The following NCAM2 variants were observed in gnomAD, a reference collection of about 807,000 sequenced individuals.
NCAM2 encodes the protein N-CAM-2.
In NCAM2, 30 loss-of-function variants were observed where a neutral mutation model predicts 98.1. That is an observed-to-expected ratio of 0.31 (90% CI 0.23 to 0.41). The LOEUF (loss-of-function observed/expected upper bound fraction) is 0.41, where lower values mean the gene tolerates loss of function less well. NCAM2 is among the 10% of genes least tolerant of loss of function. The pLI is 1.00. For synonymous variants in NCAM2, 368 were observed against 342.4 expected, an observed-to-expected ratio of 1.07 and a Z score of -0.83; for missense variants, 867 against 1,005.8, an observed-to-expected ratio of 0.86 and a Z score of 1.87.
intron 1 of NCAM2, among the ~76,000 whole-genome samples, chr21:21,142,037 T>C (rs1259677879): frequency 6.6e-6 from 1 of 152,212 alleles, no homozygotes; most frequent in Non-Finnish European, 1.5e-5. Context: ...ATTCAGCCTT[T>C]AAGGGATTTT....
At chr21:21,341,792 G>A (rs1302909099) in intron 8 of NCAM2, among the ~76,000 whole-genome samples, 1 of 149,496 alleles carries the variant, frequency 6.7e-6, no homozygotes, top group Non-Finnish European at 1.5e-5. Flanking sequence ...TAAATGTATA[G>A]ATGAGTGAAT....
chr21:21,401,886 T>C (rs1403044345), intron 9 of NCAM2, among the ~76,000 whole-genome samples: 1 of 152,178 alleles, frequency 6.6e-6, no homozygotes, highest in African/African-American at 2.4e-5. Context: ...CGGCTGGAGC[T>C]GCAGCAGAGG....
chr21:21,260,111 A>G (rs2071837014), intron 1 of NCAM2, among the ~76,000 whole-genome samples: 1 of 151,804 alleles, frequency 6.6e-6, no homozygotes, highest in African/African-American at 2.4e-5. Context: ...TTAGAGATTG[A>G]AGAGCAATTT....
intron 8 of NCAM2, among the ~76,000 whole-genome samples, chr21:21,346,604 C>A (rs2075195750): frequency 6.6e-6 from 1 of 151,982 alleles, no homozygotes; most frequent in South Asian, 2.1e-4. Flanking sequence ...GCACATGGAT[C>A]ATTTTCAAGG....
intron 1 of NCAM2, among the ~76,000 whole-genome samples, chr21:21,256,442 G>C (rs376267981): frequency 6.6e-6 from 1 of 152,116 alleles, no homozygotes; most frequent in Non-Finnish European, 1.5e-5. Flanking sequence ...ACTCCTGTTC[G>C]TTGCCTGTAG....
intron 16 of NCAM2, among the ~76,000 whole-genome samples, chr21:21,528,693 A>G (rs1375268459): frequency 6.6e-6 from 1 of 152,178 alleles, no homozygotes; most frequent in African/African-American, 2.4e-5. Context: ...ACATTAATAA[A>G]CAAGGTTTAC....
rs1418414253 is a variant in NCAM2 at position 21,373,981 on chromosome 21, G to A, written c.1163G>A (p.Gly388Glu). The A allele has an allele frequency of 1.6e-5, 26 of 1,609,510 alleles. No homozygotes were observed. Among genetic ancestry groups the A allele is most frequent in the Middle Eastern group, 1.7e-4 (1 of 6,036 alleles). Residue 388 changes from glycine to glutamate, a missense_variant, in exon 9 of 18, where the codon GGG becomes GAG. Around this residue, in one of 5 missense-constraint regions of NCAM2, gnomAD observed 447 missense variants for 495.7 expected, o/e 0.90. Transcript: ENST00000400546. ...TGTGAAGCTGCAAGCAGAATTGGAG[G>A]GCATCAAAAGAGCATGTACCTTGAT... ...YDCEAASRIGGHQKSMYLDIE... is the reference protein window; with the variant it reads ...YDCEAASRIGEHQKSMYLDIE...
rs138315101 is a variant in NCAM2, at chr21:21,513,674, C to T, written c.2282+4619C>T. Among the ~76,000 whole-genome samples, 145 of 152,136 alleles carry T rather than the reference C, an allele frequency of 9.5e-4. 4 individuals are homozygous for T. In the East Asian group the frequency reaches 0.024, roughly 25 times the overall value. ...GGAGAAGAAAGTGTATTCTTAAAAA[C>T]GTGGATGAAATGTTCTTTAAATGTT... is the stretch of plus-strand genomic sequence containing the variant. On this transcript the variant is annotated intron_variant, in intron 16 of 17. Coordinates refer to ENST00000400546, the MANE Select transcript of NCAM2 (RefSeq NM_004540.5).
chr21:21,109,491 C>CT (rs2066413073), intron 1 of NCAM2, among the ~76,000 whole-genome samples: 2 of 152,098 alleles, frequency 1.3e-5, no homozygotes, highest in African/African-American at 4.8e-5. Context: ...TGCAATAGCT[C>CT]TTTTTTCTAA....
intron 1 of NCAM2, among the ~76,000 whole-genome samples, chr21:21,061,385 G>T (rs2065318360): frequency 6.6e-6 from 1 of 152,100 alleles, no homozygotes; most frequent in Non-Finnish European, 1.5e-5. Flanking sequence ...GCTTTAGTTT[G>T]TTCCTGTTTT....
At chr21:21,510,038 G>A (rs1988261344) in intron 16 of NCAM2, among the ~76,000 whole-genome samples, 1 of 152,062 alleles carries the variant, frequency 6.6e-6, no homozygotes, top group Admixed American at 6.6e-5. Flanking sequence ...CAAACAACTA[G>A]TTGGGTTCCA....
intron 4 of NCAM2, among the ~76,000 whole-genome samples, chr21:21,291,739 G>T (rs373055396): frequency 1.3e-5 from 2 of 151,506 alleles, no homozygotes; most frequent in Non-Finnish European, 2.9e-5. Context: ...CCATGTTGCC[G>T]CATATTTGCA....
intron 9 of NCAM2, among the ~76,000 whole-genome samples, chr21:21,407,221 A>G (rs1569028321): frequency 6.6e-6 from 1 of 152,252 alleles, no homozygotes; most frequent in Non-Finnish European, 1.5e-5. Context: ...GTGCCAGTGA[A>G]TATCGCTGCC....
At position 21,539,964 on chromosome 21, in the gene NCAM2, A is replaced by G. The variant is rs1324701598; in HGVS notation, c.*2007A>G. The G allele has an allele frequency of 6.6e-6, 1 of 152,098 alleles. No individual in the cohort carries two copies. The highest frequency in any genetic ancestry group is 1.5e-5 in the Non-Finnish European group (1 of 68,010). The allele number at this position is 152,098 out of a possible 1,614,324, so 9.4% of individuals were successfully genotyped here. On this transcript the variant is annotated 3_prime_UTR_variant, in exon 18 of 18. Coordinates refer to ENST00000400546, the MANE Select transcript of NCAM2 (RefSeq NM_004540.5). ...GTACTAAAACTAGTCAAAATACTTG[A>G]ATTAGTTTGTTTGTGCAAAGTGTAC...
intron 1 of NCAM2, among the ~76,000 whole-genome samples, chr21:21,187,608 C>A (rs1410398600): frequency 6.6e-6 from 1 of 152,112 alleles, no homozygotes; most frequent in Admixed American, 6.6e-5. Flanking sequence ...TTTAAAGGAA[C>A]AGTTAAATAA....
chr21:21,311,756 T>A (rs1381725629), intron 5 of NCAM2, among the ~76,000 whole-genome samples: 1 of 148,462 alleles, frequency 6.7e-6, no homozygotes, highest in African/African-American at 2.5e-5. Context: ...CTAAGTGTGA[T>A]AGTTTTGGAG....
intron 3 of NCAM2, among the ~76,000 whole-genome samples, chr21:21,285,222 T>C (rs1234648610): frequency 1.3e-5 from 2 of 151,906 alleles, no homozygotes. Flanking sequence ...TTTCTACCAA[T>C]GGTAAATTAT....
intron 1 of NCAM2, among the ~76,000 whole-genome samples, chr21:21,126,148 C>A (rs1035073415): frequency 2.1e-5 from 3 of 143,140 alleles, no homozygotes; most frequent in Non-Finnish European, 4.5e-5. Context: ...TAAATACTTG[C>A]TTTTGACAGA....
At chr21:21,453,870 A>G (rs1569081082) in intron 12 of NCAM2, among the ~76,000 whole-genome samples, 1 of 152,002 alleles carries the variant, frequency 6.6e-6, no homozygotes, top group Non-Finnish European at 1.5e-5. Flanking sequence ...GGCGATGTTT[A>G]TAGTTAAGGT....
Sources: gnomAD v4.1 joint callset for allele counts (sites outside exome capture counted in the v4.1 genomes callset) on GRCh38, gnomAD v4.1.1 for gene constraint, gnomAD v4.1.1 regional missense constraint, MANE v1.5 for transcripts, NCBI Gene and HGNC (gene_info 2026-07-23, HGNC 2026-07-21) for gene names.